ROBO1: variants seen among roughly 807,000 people sequenced by gnomAD.
The protein encoded by ROBO1 is roundabout homolog 1.
A neutral mutation model predicts 195.9 loss-of-function variants in ROBO1; 149 were observed. The observed-to-expected ratio is 0.76, with a 90% CI of 0.67 to 0.87. The LOEUF (loss-of-function observed/expected upper bound fraction) is 0.87. Ranked by LOEUF, ROBO1 falls within the 40% of genes least tolerant of loss-of-function variation. ROBO1 has a pLI of 0.00. For synonymous variants in ROBO1, 816 were observed against 733.2 expected, an observed-to-expected ratio of 1.11 and a Z score of -1.82; for missense variants, 1,933 against 2,068.3, an observed-to-expected ratio of 0.93 and a Z score of 1.27.
chr3:79,190,180 T>C (rs2081511812), intron 2 of ROBO1, among the ~76,000 whole-genome samples: 1 of 151,672 alleles, frequency 6.6e-6, no homozygotes, highest in Non-Finnish European at 1.5e-5. Context: ...TTATATATTG[T>C]TCAGAAATGC....
chr3:79,721,914 T>C (rs1702719015), intron 1 of ROBO1, among the ~76,000 whole-genome samples: 1 of 152,214 alleles, frequency 6.6e-6, no homozygotes, highest in Admixed American at 6.5e-5. Flanking sequence ...AAGGTTAAAC[T>C]AGTTTAAGAT....
intron 8 of ROBO1, among the ~76,000 whole-genome samples, chr3:78,695,792 T>G (rs532526569): frequency 6.6e-6 from 1 of 152,168 alleles, no homozygotes; most frequent in East Asian, 1.9e-4. Flanking sequence ...CAACTCTGAT[T>G]ATCAAGAAAC....
chr3:79,244,207 A>G (rs2082577439), intron 2 of ROBO1, among the ~76,000 whole-genome samples: 1 of 152,134 alleles, frequency 6.6e-6, no homozygotes, highest in Admixed American at 6.6e-5. Context: ...CACCATTGGT[A>G]ATATTGCATA....
chr3:79,532,179 T>G (rs1198204376), intron 2 of ROBO1, among the ~76,000 whole-genome samples: 2 of 152,146 alleles, frequency 1.3e-5, no homozygotes, highest in Admixed American at 6.6e-5. Flanking sequence ...TTTCAGGGAT[T>G]TTTGATTTGG....
chr3:79,293,459 A>C (rs1354060320), intron 2 of ROBO1, among the ~76,000 whole-genome samples: 1 of 151,804 alleles, frequency 6.6e-6, no homozygotes, highest in African/African-American at 2.4e-5. Context: ...TAGTTCTTTT[A>C]ATTGTGATTT....
At chr3:79,460,743 C>CT in intron 2 of ROBO1, among the ~76,000 whole-genome samples, 1 of 152,106 alleles carries the variant, frequency 6.6e-6, no homozygotes, top group East Asian at 1.9e-4. Flanking sequence ...GTATTTTTTT[C>CT]TTTTTTCCTT....
At chr3:79,710,988 T>A (rs1041453121) in intron 1 of ROBO1, among the ~76,000 whole-genome samples, 1 of 152,188 alleles carries the variant, frequency 6.6e-6, no homozygotes, top group African/African-American at 2.4e-5. Context: ...GTTGTAAATA[T>A]GATCTACTAA....
intron 3 of ROBO1, among the ~76,000 whole-genome samples, chr3:79,010,215 C>T (rs777544439): frequency 8.5e-5 from 13 of 152,108 alleles, no homozygotes; most frequent in Non-Finnish European, 1.6e-4. Context: ...GTTTCATCTA[C>T]ATTCATTATC....
intron 2 of ROBO1, among the ~76,000 whole-genome samples, chr3:79,573,548 G>A (rs974232072): frequency 2.0e-5 from 3 of 151,990 alleles, no homozygotes; most frequent in East Asian, 1.9e-4. Flanking sequence ...GCTAATTAAC[G>A]CAACAGTGAA....
chr3:79,125,990 G>A (rs533778132), intron 2 of ROBO1, among the ~76,000 whole-genome samples: 13 of 152,274 alleles, frequency 8.5e-5, no homozygotes, highest in African/African-American at 2.6e-4. Context: ...AGACTCCAGA[G>A]ATTGTACCTC....
intron 3 of ROBO1, chr3:79,019,423 G>A (rs937409812): frequency 6.1e-6 from 6 of 986,114 alleles, no homozygotes; most frequent in African/African-American, 1.7e-5. Flanking sequence ...GGCGTCTGAA[G>A]TTTCTGCTCT....
intron 2 of ROBO1, among the ~76,000 whole-genome samples, chr3:79,215,474 G>A (rs184687216): frequency 1.3e-5 from 2 of 152,026 alleles, no homozygotes; most frequent in Admixed American, 6.5e-5. Flanking sequence ...CCCAACAAAC[G>A]ATTTATATGT....
At chr3:79,403,968 T>C (rs1428183940) in intron 2 of ROBO1, among the ~76,000 whole-genome samples, 2 of 152,074 alleles carry the variant, frequency 1.3e-5, no homozygotes, top group Non-Finnish European at 2.9e-5. Flanking sequence ...GCTCATAATA[T>C]CTATACACAT....
chr3:79,434,676 C>A (rs1010789341), intron 2 of ROBO1, among the ~76,000 whole-genome samples: 3 of 152,132 alleles, frequency 2.0e-5, no homozygotes, highest in Non-Finnish European at 1.5e-5. Flanking sequence ...GGATCTAGAT[C>A]TATTAATACC....
At chr3:79,481,356 T>C (rs1938847677) in intron 2 of ROBO1, among the ~76,000 whole-genome samples, 1 of 151,972 alleles carries the variant, frequency 6.6e-6, no homozygotes, top group African/African-American at 2.4e-5. Flanking sequence ...ACCAGCTAAT[T>C]AAAAAAATAA....
chr3:78,995,383 G>C (rs141946509), intron 3 of ROBO1, among the ~76,000 whole-genome samples: 1 of 151,974 alleles, frequency 6.6e-6, no homozygotes, highest in Non-Finnish European at 1.5e-5. Context: ...ACCTGGAACC[G>C]AGCAACACAG....
chr3:78,993,310 CT>C (rs1282142107), intron 3 of ROBO1, among the ~76,000 whole-genome samples: 1 of 152,130 alleles, frequency 6.6e-6, no homozygotes, highest in Non-Finnish European at 1.5e-5. Flanking sequence ...CAAAACGTTT[CT>C]TTAAAAATCC....
At chr3:79,378,482 C>A (rs1344831976) in intron 2 of ROBO1, among the ~76,000 whole-genome samples, 1 of 152,148 alleles carries the variant, frequency 6.6e-6, no homozygotes, top group Non-Finnish European at 1.5e-5. Context: ...TCCATAAATT[C>A]ATGTGATAGG....
intron 5 of ROBO1, among the ~76,000 whole-genome samples, chr3:78,726,006 T>C (rs1576029715): frequency 6.6e-6 from 1 of 152,038 alleles, no homozygotes; most frequent in Non-Finnish European, 1.5e-5. Flanking sequence ...GTGAACAGAC[T>C]GGAGCTAATT....
Sources: gnomAD v4.1 joint callset for allele counts (sites outside exome capture counted in the v4.1 genomes callset) on GRCh38, gnomAD v4.1.1 for gene constraint, MANE v1.5 for transcripts, NCBI Gene and HGNC (gene_info 2026-07-23, HGNC 2026-07-21) for gene names.